TBL1X: variants seen among roughly 807,000 people sequenced by gnomAD.
TBL1X encodes F-box-like/WD repeat-containing protein TBL1X.
Under a neutral mutation model 50.7 loss-of-function variants are expected in TBL1X, and 10 were observed. The observed-to-expected ratio is 0.20, with a 90% CI of 0.12 to 0.33. The LOEUF is 0.33. TBL1X is among the 10% of genes least tolerant of loss of function. The probability of loss-of-function intolerance (pLI) is 1.00; values close to 1 mark genes in which losing one functional copy is unlikely to be tolerated. For missense variants in TBL1X, 340 were observed against 504.4 expected (o/e 0.67, Z 3.12); for synonymous variants, 190 against 214.7 (o/e 0.88, Z 1.01).
In TBL1X at chrX:9,706,236, C is replaced by T. The variant is rs746845555; in HGVS notation, c.1236+1122C>T. ...AGATTGCGGAAGTAAGGTTAGAGAG[C>T]ATAGAAATTGGCCAATTTGAAGAAC... is the stretch of plus-strand genomic sequence containing the variant. On this transcript the variant is annotated intron_variant, in intron 13 of 17. Coordinates refer to ENST00000645353, the MANE Select transcript of TBL1X (RefSeq NM_005647.4). Among the ~76,000 whole-genome samples the T allele has an allele frequency of 3.6e-5, 4 of 110,679 alleles. No individual in the cohort carries two copies. The East Asian group carries it at 1.1e-3, about 31-fold the overall frequency.
intron 2 of TBL1X, chrX:9,637,896 A>G: frequency 8.9e-6 from 1 of 111,849 alleles, no homozygotes; most frequent in East Asian, 2.8e-4. Flanking sequence ...TCAGTAGTGG[A>G]ACACCTGGGG....
intron 2 of TBL1X, among the ~76,000 whole-genome samples, chrX:9,521,378 G>C (rs766387405): frequency 2.6e-4 from 29 of 111,848 alleles, no homozygotes; most frequent in Non-Finnish European, 5.5e-4. Flanking sequence ...CAGGCTTTCA[G>C]ATTGTACACT....
chrX:9,609,432 G>A (rs1161007576), intron 2 of TBL1X, among the ~76,000 whole-genome samples: 1 of 107,190 alleles, frequency 9.3e-6, no homozygotes, highest in East Asian at 3.0e-4. Flanking sequence ...GTGTGTGTGT[G>A]TCCTGCTGTA....
chrX:9,497,408 C>CAAAAAA (rs35402306), intron 1 of TBL1X, among the ~76,000 whole-genome samples: 3 of 30,404 alleles, frequency 9.9e-5, no homozygotes, highest in Non-Finnish European at 1.1e-4. Context: ...GACTCCATCT[C>CAAAAAA]AAAAAAAAAA....
intron 2 of TBL1X, among the ~76,000 whole-genome samples, chrX:9,619,287 G>A (rs1364901994): frequency 8.9e-6 from 1 of 112,321 alleles, no homozygotes; most frequent in Non-Finnish European, 1.9e-5. Flanking sequence ...GTGTTTGTTT[G>A]TTCTAAGCGA....
At chrX:9,639,254 A>G (rs751965310) in intron 2 of TBL1X, among the ~76,000 whole-genome samples, 16 of 111,340 alleles carry the variant, frequency 1.4e-4, no homozygotes, top group African/African-American at 4.9e-4. Context: ...TTGAGTTTCT[A>G]TATAAACTCC....
intron 2 of TBL1X, among the ~76,000 whole-genome samples, chrX:9,539,099 G>A (rs1343973016): frequency 8.9e-6 from 1 of 112,304 alleles, no homozygotes; most frequent in Non-Finnish European, 1.9e-5. Context: ...TCTTTTGGTG[G>A]CCAAAATGAG....
intron 2 of TBL1X, among the ~76,000 whole-genome samples, chrX:9,597,872 G>A (rs1174356274): frequency 1.8e-5 from 2 of 111,682 alleles, no homozygotes; most frequent in African/African-American, 6.5e-5. Flanking sequence ...TCAGTGTCCC[G>A]GCTCCAGTGT....
intron 7 of TBL1X, among the ~76,000 whole-genome samples, chrX:9,690,884 AG>A (rs955631322): frequency 8.1e-5 from 9 of 110,558 alleles, no homozygotes; most frequent in Non-Finnish European, 1.5e-4. Context: ...GTGCACCACC[AG>A]GGCTGGCTAA....
chrX:9,709,534 T>C, intron 14 of TBL1X, 99 bp from the exon 15 acceptor site: 1 of 1,134,854 alleles, frequency 8.8e-7, no homozygotes, highest in Non-Finnish European at 1.2e-6. Flanking sequence ...CCCTCCACCC[T>C]GCCCTGGGCC....
At chrX:9,469,544 C>G (rs2081799519) in intron 1 of TBL1X, among the ~76,000 whole-genome samples, 1 of 112,595 alleles carries the variant, frequency 8.9e-6, no homozygotes, top group South Asian at 3.6e-4. Context: ...ACGATGGTGT[C>G]TAGTAGTTTG....
intron 2 of TBL1X, among the ~76,000 whole-genome samples, chrX:9,511,434 C>T (rs192132994): frequency 4.7e-4 from 53 of 112,009 alleles, no homozygotes; most frequent in Non-Finnish European, 7.0e-4. Flanking sequence ...CATGTAACCA[C>T]CTGAGACGCA....
Position 9,587,325 on chromosome X carries a change from T to C in TBL1X, c.-130-52948T>C, listed in dbSNP as rs750431304. On this transcript the variant is annotated intron_variant, in intron 2 of 17. Transcript: ENST00000645353. ...ACTTCCATGAAAACACCCCCAGTGG[T>C]GGGGAGGGAGGCGGCATCCCTTGGA... Among the ~76,000 whole-genome samples the C allele has an allele frequency of 2.7e-5, 3 of 111,806 alleles. No individual in the cohort carries two copies. The Admixed American group carries it at 2.8e-4, about 11-fold the overall frequency.
At chrX:9,645,818 C>T in intron 3 of TBL1X, among the ~76,000 whole-genome samples, 1 of 112,108 alleles carries the variant, frequency 8.9e-6, no homozygotes, top group Middle Eastern at 4.6e-3. Flanking sequence ...TGTTTTCCTA[C>T]AGGTTTGGGT....
intron 11 of TBL1X, among the ~76,000 whole-genome samples, chrX:9,696,870 C>T (rs182694311): frequency 7.1e-5 from 8 of 112,368 alleles, no homozygotes; most frequent in African/African-American, 2.3e-4. Flanking sequence ...TTTCCATTAT[C>T]GGAATGCTGA....
At chrX:9,546,879 C>T (rs1419647770) in intron 2 of TBL1X, among the ~76,000 whole-genome samples, 4 of 83,082 alleles carry the variant, frequency 4.8e-5, no homozygotes, top group Non-Finnish European at 6.6e-5. Flanking sequence ...AGTGCAGTGG[C>T]GCGATCTCGG....
chrX:9,602,001 G>A (rs753780805), intron 2 of TBL1X, among the ~76,000 whole-genome samples: 3 of 112,053 alleles, frequency 2.7e-5, no homozygotes, highest in South Asian at 3.8e-4. Flanking sequence ...CCGAGATTGC[G>A]CCACTGCACT....
At chrX:9,498,315 G>A (rs1233054613) in intron 1 of TBL1X, among the ~76,000 whole-genome samples, 1 of 111,867 alleles carries the variant, frequency 8.9e-6, no homozygotes, top group Non-Finnish European at 1.9e-5. Flanking sequence ...TTTTCAGATG[G>A]CTATTGAAGT....
intron 5 of TBL1X, among the ~76,000 whole-genome samples, chrX:9,679,362 G>A (rs920901738): frequency 1.8e-5 from 2 of 111,158 alleles, no homozygotes; most frequent in Non-Finnish European, 3.8e-5. Flanking sequence ...CCACAGCAAG[G>A]AATGAGCCAG....
Sources: allele counts gnomAD v4.1 joint callset (sites outside exome capture counted in the v4.1 genomes callset), GRCh38; gene constraint gnomAD v4.1.1; transcripts MANE v1.5; gene names NCBI Gene and HGNC (gene_info 2026-07-23, HGNC 2026-07-21).